A2ML1: variants seen among roughly 807,000 people sequenced by gnomAD.
A2ML1 encodes alpha-2-macroglobulin like 1.
A2ML1 carries 161 observed loss-of-function variants against 181.9 expected under a neutral mutation model. The ratio of observed to expected loss-of-function variants is 0.89; its 90% CI spans 0.78 to 1.01. The LOEUF is 1.01. Ranked by LOEUF, A2ML1 falls within the 50% of genes least tolerant of loss-of-function variation. The pLI is 0.00. For missense variants in A2ML1, 1,670 were observed against 1,768.1 expected (o/e 0.94, Z 1.00); for synonymous variants, 663 against 666.8 (o/e 0.99, Z 0.09).
intron 7 of A2ML1, among the ~76,000 whole-genome samples, chr12:8,836,775 G>A (rs906386557): frequency 2.0e-5 from 3 of 151,904 alleles, no homozygotes; most frequent in South Asian, 2.1e-4. Context: ...GAGCCACCGC[G>A]CCCAGCCAAG....
chr12:8,860,528 G>C (rs2136927898), intron 26 of A2ML1, among the ~76,000 whole-genome samples: 1 of 152,264 alleles, frequency 6.6e-6, no homozygotes, highest in South Asian at 2.1e-4. Flanking sequence ...TGCATGTGAG[G>C]AGGCTCAGAT....
intron 15 of A2ML1, among the ~76,000 whole-genome samples, chr12:8,848,430 G>A (rs1173436060): frequency 2.6e-5 from 4 of 151,770 alleles, no homozygotes; most frequent in South Asian, 2.1e-4. Context: ...GCAGTGAGCC[G>A]AGATCGTCCC....
At chr12:8,847,446 T>G (rs1452155539) in intron 14 of A2ML1, 103 bp from the exon 15 acceptor site, 6 of 1,316,072 alleles carry the variant, frequency 4.6e-6, no homozygotes, top group Admixed American at 4.5e-5. Context: ...AAGAATGGGT[T>G]GGATGTCATA....
intron 11 of A2ML1, among the ~76,000 whole-genome samples, chr12:8,842,208 C>T (rs886763507): frequency 1.3e-5 from 2 of 151,100 alleles, no homozygotes; most frequent in African/African-American, 2.4e-5. Flanking sequence ...CTGTATATTG[C>T]ATATGTTTTT....
rs1942806051 is a variant in A2ML1 at position 8,823,268 on chromosome 12, T to C, written c.149T>C (p.Val50Ala). 1 of 1,614,132 alleles carries C rather than the reference T, an allele frequency of 6.2e-7. No homozygotes were observed. The highest frequency in any genetic ancestry group is 1.1e-5 in the South Asian group (1 of 91,080). ...CLDLSPGYSD[V>A]KFTVTLETKD... Reference sequence around the variant, plus strand: ...GACCTGAGCCCTGGGTACAGTGATGTTAAATTCACGGTTACTCTGGAGACC... The same window carrying C: ...GACCTGAGCCCTGGGTACAGTGATGCTAAATTCACGGTTACTCTGGAGACC... Residue 50 changes from valine (V) to alanine (A), a missense_variant, in exon 2 of 36, where the codon GTT becomes GCT. Transcript: ENST00000299698.
intron 14 of A2ML1, among the ~76,000 whole-genome samples, chr12:8,846,582 G>T (rs950894779): frequency 1.3e-5 from 2 of 152,068 alleles, no homozygotes; most frequent in Non-Finnish European, 2.9e-5. Context: ...CACTTTGGGA[G>T]GCCGAGGTGG....
rs762809903 is a variant in A2ML1, at chr12:8,855,189, G to A, written c.2765-320G>A. ...ATTACAGGCGTGAGCCACTGCACCC[G>A]GCAGCAGGAGATTTTCATAGGCAAA... is the stretch of plus-strand genomic sequence containing the variant. On this transcript the variant is annotated intron_variant, in intron 22 of 35. Transcript: ENST00000299698. 5.9e-5 allele frequency among the ~76,000 whole-genome samples: 9 copies of A among 152,244 alleles called. No homozygotes were observed. In the East Asian group the frequency reaches 7.7e-4, roughly 13 times the overall value.
At chr12:8,853,492 C>A (rs1226087417) in intron 20 of A2ML1, among the ~76,000 whole-genome samples, 1 of 152,138 alleles carries the variant, frequency 6.6e-6, no homozygotes, top group Non-Finnish European at 1.5e-5. Flanking sequence ...TAGCTGGGTA[C>A]CTCTGGCTCA....
At chr12:8,854,756 T>G (rs1944002855) in intron 21 of A2ML1, 24 bp from the exon 22 acceptor site, 2 of 1,614,016 alleles carry the variant, frequency 1.2e-6, no homozygotes, top group Non-Finnish European at 1.7e-6. Flanking sequence ...TTGTTGTTTT[T>G]ATCTGTGTCT....
chr12:8,852,354 T>C lies in A2ML1; in HGVS notation c.2590+18T>C, dbSNP rs1485813974. The stretch of plus-strand genomic sequence containing the variant: ...CAAATTGGGTAAGAGAGGGAAGTGG[T>C]AGACGGGCGAGGAAAGCCAGCAGCA... On this transcript the variant is annotated intron_variant, in intron 20 of 35. Coordinates refer to ENST00000299698, the MANE Select transcript of A2ML1 (RefSeq NM_144670.6). This position sits in a 1 kb window ranked among gnomAD's most constrained non-coding sequence, Gnocchi z 4.2. 1 of 1,613,658 alleles carries C rather than the reference T, an allele frequency of 6.2e-7. No homozygotes were observed.
At chr12:8,854,349 A>C (rs1943989990) in intron 21 of A2ML1, 100 bp downstream of exon 21, 2 of 1,472,558 alleles carry the variant, frequency 1.4e-6, no homozygotes, top group Admixed American at 4.6e-5. Flanking sequence ...ACTCCAGTCC[A>C]ACCAGGCAGC....
intron 3 of A2ML1, among the ~76,000 whole-genome samples, chr12:8,828,404 T>TG (rs1943000192): frequency 6.6e-6 from 1 of 152,192 alleles, no homozygotes; most frequent in African/African-American, 2.4e-5. Flanking sequence ...ACAGGAGTAC[T>TG]GCCTGGATAC....
Position 8,857,232 on chromosome 12 carries a change from C to A in A2ML1, c.2917C>A (p.Gln973Lys). The A allele has an allele frequency of 6.2e-7, 1 of 1,613,226 alleles. No individual in the cohort carries two copies. The highest frequency in any genetic ancestry group is 8.5e-7 in the Non-Finnish European group (1 of 1,179,996). Residue 973 changes from glutamine to lysine, a missense_variant, in exon 24 of 36, where the codon CAG becomes AAG. Coordinates refer to ENST00000299698, the MANE Select transcript of A2ML1 (RefSeq NM_144670.6). ...GCAGATGCCCAGTGGCTGTGGCGAG[C>A]AGAACATGGTCTTGTTTGCTCCCAT... ...LVQMPSGCGE[Q>K]NMVLFAPIIY...
intron 33 of A2ML1, 31 bp downstream of exon 33, chr12:8,869,234 G>T: frequency 6.2e-7 from 1 of 1,608,116 alleles, no homozygotes; most frequent in Non-Finnish European, 8.5e-7. Context: ...TCAAAGAGCT[G>T]GATTGCTTAC....
At chr12:8,856,427 G>A (rs1398876232) in intron 23 of A2ML1, among the ~76,000 whole-genome samples, 2 of 152,122 alleles carry the variant, frequency 1.3e-5, no homozygotes, top group African/African-American at 4.8e-5. Flanking sequence ...TTGACATTCA[G>A]GACACATTTA....
At chr12:8,861,580 C>T (rs755030775) in intron 28 of A2ML1, among the ~76,000 whole-genome samples, 2 of 152,088 alleles carry the variant, frequency 1.3e-5, no homozygotes, top group East Asian at 1.9e-4. Flanking sequence ...TTCCGCCTCC[C>T]GGGTTCACGC....
chr12:8,868,439 T>C, intron 31 of A2ML1, 82 bp downstream of exon 31: 1 of 1,552,402 alleles, frequency 6.4e-7, no homozygotes, highest in Non-Finnish European at 8.7e-7. Context: ...TGTGTGTGTC[T>C]GTGTATGTGT....
chr12:8,826,866 C>A (rs1942946255), intron 3 of A2ML1, among the ~76,000 whole-genome samples: 1 of 152,092 alleles, frequency 6.6e-6, no homozygotes, highest in Admixed American at 6.6e-5. Context: ...TTATCCTCCC[C>A]ACTCAGCCTC....
intron 20 of A2ML1, among the ~76,000 whole-genome samples, chr12:8,853,321 G>A (rs1943954480): frequency 6.6e-6 from 1 of 152,120 alleles, no homozygotes; most frequent in East Asian, 1.9e-4. Flanking sequence ...CAACCCTATG[G>A]GATGTCAGTC....
Sources: allele counts gnomAD v4.1 joint callset (sites outside exome capture counted in the v4.1 genomes callset), GRCh38; gene constraint gnomAD v4.1.1; non-coding constraint Gnocchi (gnomAD v3.1); transcripts MANE v1.5; gene names NCBI Gene and HGNC (gene_info 2026-07-23, HGNC 2026-07-21).